Variants in PCSK5 observed in about 807,000 individuals in gnomAD.
The protein encoded by PCSK5 is proprotein convertase subtilisin/kexin type 5, also known as prohormone convertase 5.
A neutral mutation model predicts 233.2 loss-of-function variants in PCSK5; 129 were observed. That is an observed-to-expected ratio of 0.55 (90% CI 0.48 to 0.64). PCSK5 has a LOEUF of 0.64. PCSK5 is among the 30% of genes least tolerant of loss of function. The probability of loss-of-function intolerance (pLI) is 0.00; values close to 1 mark genes in which losing one functional copy is unlikely to be tolerated. For synonymous variants in PCSK5, 825 were observed against 879.2 expected (o/e 0.94, Z 1.09); for missense variants, 2,076 against 2,430.1 (o/e 0.85, Z 3.06).
At position 76,310,642 on chromosome 9, in the gene PCSK5, C is replaced by T; in HGVS notation, c.3689-14C>T. ...GATGACTATTCCCATCTTCCCTCTT[C>T]CCTGAATTTCTAGGTGCATATCTTC... On this transcript the variant is annotated splice_polypyrimidine_tract_variant and intron_variant, in intron 29 of 37. Transcript: ENST00000674117. The T allele has an allele frequency of 2.6e-6, 4 of 1,521,128 alleles. No homozygotes were observed. In the South Asian group the frequency reaches 3.9e-5, roughly 15 times the overall value. 94.2% of individuals were successfully genotyped at this position (1,521,128 alleles called of 1,614,324 possible).
intron 7 of PCSK5, among the ~76,000 whole-genome samples, chr9:76,076,713 G>C (rs1369395849): frequency 2.6e-5 from 4 of 152,320 alleles, no homozygotes; most frequent in Non-Finnish European, 5.9e-5. Context: ...ATGTAATACT[G>C]TTTTCAGAGA....
Position 76,359,864 on chromosome 9 carries a change from G to C in PCSK5, c.*942G>C, listed in dbSNP as rs773255051. 3.3e-5 allele frequency: 5 copies of C among 152,028 alleles called. No individual in the cohort carries two copies. The highest frequency in any genetic ancestry group is 7.4e-5 in the Non-Finnish European group (5 of 68,022). The allele number at this position is 152,028 out of a possible 1,614,324, so 9.4% of individuals were successfully genotyped here. Reference sequence around the variant, plus strand: ...CAAAACCGTGGACTCTCAATAGAAAGAGTTGGAATAGAGTCTAACATGGAA... The same window carrying C: ...CAAAACCGTGGACTCTCAATAGAAACAGTTGGAATAGAGTCTAACATGGAA... On this transcript the variant is annotated 3_prime_UTR_variant, in exon 38 of 38. Transcript: ENST00000674117.
intron 3 of PCSK5, among the ~76,000 whole-genome samples, chr9:76,023,006 A>T (rs1828266453): frequency 1.3e-5 from 2 of 152,074 alleles, no homozygotes; most frequent in South Asian, 4.1e-4. Flanking sequence ...AAGCTGCCTG[A>T]GTGGTTCGAT....
At chr9:75,925,431 A>G (rs1326975515) in intron 1 of PCSK5, among the ~76,000 whole-genome samples, 1 of 152,196 alleles carries the variant, frequency 6.6e-6, no homozygotes, top group Non-Finnish European at 1.5e-5. Context: ...TGTGCCTGGC[A>G]CTGTTAATAG....
chr9:75,937,979 A>G (rs567678457), intron 2 of PCSK5, among the ~76,000 whole-genome samples: 1 of 152,206 alleles, frequency 6.6e-6, no homozygotes, highest in Non-Finnish European at 1.5e-5. Flanking sequence ...TATCCAGACC[A>G]CAAAAACTTT....
At chr9:76,142,679 T>C (rs767727242) in intron 10 of PCSK5, among the ~76,000 whole-genome samples, 52 of 152,210 alleles carry the variant, frequency 3.4e-4, no homozygotes, top group Non-Finnish European at 8.8e-5. Context: ...AAGAATCCAG[T>C]ATATTTTATA....
chr9:76,138,948 T>G (rs754213989), intron 10 of PCSK5, among the ~76,000 whole-genome samples: 1 of 151,042 alleles, frequency 6.6e-6, no homozygotes, highest in African/African-American at 2.4e-5. Flanking sequence ...GACTCTTTCT[T>G]TGACCACAAC....
chr9:76,271,803 T>C (rs1827521352), intron 24 of PCSK5, among the ~76,000 whole-genome samples: 1 of 152,230 alleles, frequency 6.6e-6, no homozygotes, highest in Admixed American at 6.5e-5. Flanking sequence ...GGCAAATTCT[T>C]TCTTGCCTCT....
At chr9:76,053,708 T>C (rs532977963) in intron 5 of PCSK5, among the ~76,000 whole-genome samples, 2 of 152,306 alleles carry the variant, frequency 1.3e-5, no homozygotes, top group East Asian at 3.9e-4. Flanking sequence ...TTCATATCAC[T>C]ATGAGCATTT....
intron 24 of PCSK5, among the ~76,000 whole-genome samples, chr9:76,243,229 C>A (rs1404607153): frequency 6.6e-6 from 1 of 152,194 alleles, no homozygotes; most frequent in East Asian, 1.9e-4. Context: ...GCTCTTCAGT[C>A]CATTCATTAC....
chr9:76,125,544 A>C (rs981376256), intron 9 of PCSK5, among the ~76,000 whole-genome samples: 1 of 152,250 alleles, frequency 6.6e-6, no homozygotes, highest in Admixed American at 6.5e-5. Context: ...GTCTCACAGG[A>C]CTGTCATGAA....
chr9:76,319,770 A>C (rs552801785), intron 30 of PCSK5, among the ~76,000 whole-genome samples: 28 of 152,140 alleles, frequency 1.8e-4, no homozygotes, highest in Non-Finnish European at 3.7e-4. Context: ...TTCGGTGGTC[A>C]CACTCCTTGT....
At chr9:76,069,007 T>C (rs956458907) in intron 6 of PCSK5, among the ~76,000 whole-genome samples, 3 of 152,168 alleles carry the variant, frequency 2.0e-5, no homozygotes, top group Non-Finnish European at 2.9e-5. Context: ...AGGTATACAA[T>C]AATAGAACTA....
chr9:76,293,456 G>T lies in PCSK5; in HGVS notation c.3185+1181G>T, dbSNP rs1164817078. The stretch of plus-strand genomic sequence containing the variant: ...CACTTTGTTTTTTTGGGTTTTTTTT[G>T]TTTGTTTGTTTTTAAGACAGTCTCA... On this transcript the variant is annotated intron_variant, in intron 25 of 37. Transcript: ENST00000674117. Among the ~76,000 whole-genome samples, 112 of 151,840 alleles carry T rather than the reference G, an allele frequency of 7.4e-4. 1 individual carries two copies. The highest frequency in any genetic ancestry group is 1.2e-4 in the Non-Finnish European group (8 of 67,970).
intron 35 of PCSK5, among the ~76,000 whole-genome samples, chr9:76,346,300 T>C (rs915071109): frequency 6.6e-6 from 1 of 152,204 alleles, no homozygotes; most frequent in Non-Finnish European, 1.5e-5. Flanking sequence ...CCTTATAGTA[T>C]AGAAATACTA....
intron 8 of PCSK5, among the ~76,000 whole-genome samples, chr9:76,096,925 A>T (rs1423876139): frequency 6.8e-6 from 1 of 147,632 alleles, no homozygotes; most frequent in Non-Finnish European, 1.5e-5. Context: ...CTTTATTTTT[A>T]TTTTTATTTT....
chr9:75,903,598 T>C (rs1385436740), intron 1 of PCSK5, among the ~76,000 whole-genome samples: 1 of 141,590 alleles, frequency 7.1e-6, no homozygotes, highest in Non-Finnish European at 1.5e-5. Flanking sequence ...AAAATATATA[T>C]TATATATATA....
intron 24 of PCSK5, among the ~76,000 whole-genome samples, chr9:76,272,433 T>C (rs1827544006): frequency 6.6e-6 from 1 of 151,984 alleles, no homozygotes; most frequent in South Asian, 2.1e-4. Flanking sequence ...AACCTGACGG[T>C]GACAACTGCC....
At chr9:76,158,045 C>T (rs10512055) in intron 11 of PCSK5, among the ~76,000 whole-genome samples, 35,662 of 151,650 alleles carry the variant, frequency 0.24, 4,454 homozygotes, top group Admixed American at 0.33. Context: ...CTATTTTTCT[C>T]GCACTTACTG....
Sources: gnomAD v4.1 joint callset for allele counts (sites outside exome capture counted in the v4.1 genomes callset) on GRCh38, gnomAD v4.1.1 for gene constraint, MANE v1.5 for transcripts, NCBI Gene and HGNC (gene_info 2026-07-23, HGNC 2026-07-21) for gene names.